The following ROBO1 variants were observed in gnomAD, a reference collection of about 807,000 sequenced individuals.
ROBO1 encodes roundabout guidance receptor 1, also known as roundabout homolog 1.
ROBO1 carries 149 observed loss-of-function variants against 195.9 expected under a neutral mutation model. That is an observed-to-expected ratio of 0.76 (90% CI 0.67 to 0.87). The LOEUF (loss-of-function observed/expected upper bound fraction) is 0.87, where lower values mean the gene tolerates loss of function less well. ROBO1 is among the 40% of genes least tolerant of loss of function. The pLI is 0.00. For missense variants in ROBO1, 1,933 were observed against 2,068.3 expected (o/e 0.93, Z 1.27); for synonymous variants, 816 against 733.2 (o/e 1.11, Z -1.82).
Position 78,636,245 on chromosome 3 carries a change from C to T in ROBO1, c.3038-137G>A, listed in dbSNP as rs573118292. 1.5e-3 allele frequency: 866 copies of T among 559,698 alleles called. 1 individual carries two copies. Among genetic ancestry groups the T allele is most frequent in the Non-Finnish European group, 2.4e-3 (782 of 324,716 alleles). The allele number at this position is 559,698 out of a possible 1,614,324, so 34.7% of individuals were successfully genotyped here. Reference sequence around the variant, plus strand: ...TGGGCTTAAATAAGATCAATAAAAACGGCCAAATATCCACATGTGCTTTCT... The same window carrying T: ...TGGGCTTAAATAAGATCAATAAAAATGGCCAAATATCCACATGTGCTTTCT... On this transcript the variant is annotated intron_variant, in intron 22 of 30. Transcript: ENST00000464233.
intron 4 of ROBO1, among the ~76,000 whole-genome samples, chr3:78,877,234 A>C (rs1479882242): frequency 1.3e-5 from 2 of 152,222 alleles, no homozygotes; most frequent in Non-Finnish European, 2.9e-5. Context: ...ATAAATGAAA[A>C]AGAACATAGA....
At chr3:78,891,134 T>A (rs2036864280) in intron 4 of ROBO1, among the ~76,000 whole-genome samples, 1 of 152,178 alleles carries the variant, frequency 6.6e-6, no homozygotes, top group Non-Finnish European at 1.5e-5. Context: ...GAGATGTGAT[T>A]ACATTACAGT....
At chr3:79,074,699 G>A (rs1365401758) in intron 3 of ROBO1, among the ~76,000 whole-genome samples, 2 of 151,606 alleles carry the variant, frequency 1.3e-5, no homozygotes, top group East Asian at 2.0e-4. Flanking sequence ...AAAACATTGG[G>A]ATTACAGGGA....
At chr3:79,217,751 G>A (rs888553472) in intron 2 of ROBO1, among the ~76,000 whole-genome samples, 7 of 151,786 alleles carry the variant, frequency 4.6e-5, no homozygotes, top group African/African-American at 1.5e-4. Context: ...TATTTCTTCT[G>A]AGAAATTTGG....
chr3:79,312,173 T>G (rs1021946264), intron 2 of ROBO1, among the ~76,000 whole-genome samples: 2 of 152,204 alleles, frequency 1.3e-5, no homozygotes, highest in African/African-American at 4.8e-5. Context: ...ATTGATACAA[T>G]GAAGGTTCAA....
chr3:79,668,374 T>C (rs1946532039), intron 1 of ROBO1, among the ~76,000 whole-genome samples: 1 of 151,062 alleles, frequency 6.6e-6, no homozygotes, highest in African/African-American at 2.4e-5. Context: ...AGTATTTTTA[T>C]AAATTAATAT....
At chr3:78,845,482 A>C (rs1015649898) in intron 4 of ROBO1, among the ~76,000 whole-genome samples, 2 of 152,124 alleles carry the variant, frequency 1.3e-5, no homozygotes, top group African/African-American at 2.4e-5. Flanking sequence ...ATATGTATAC[A>C]CTTTAGTGTG....
intron 1 of ROBO1, among the ~76,000 whole-genome samples, chr3:79,704,756 T>G (rs79353453): frequency 0.015 from 2,289 of 152,132 alleles, 30 homozygotes; most frequent in Non-Finnish European, 0.026. Context: ...TTGTAAGATA[T>G]CACCAAAATG....
At chr3:79,138,289 A>T (rs1016169037) in intron 2 of ROBO1, among the ~76,000 whole-genome samples, 2 of 152,014 alleles carry the variant, frequency 1.3e-5, no homozygotes, top group African/African-American at 2.4e-5. Context: ...GTACACAATC[A>T]ATACTTTTTT....
intron 3 of ROBO1, among the ~76,000 whole-genome samples, chr3:79,065,406 G>A (rs935469513): frequency 6.6e-6 from 1 of 151,836 alleles, no homozygotes; most frequent in African/African-American, 2.4e-5. Flanking sequence ...AAAAATGACC[G>A]ATCTGTGAGC....
chr3:78,867,904 A>T (rs558487594), intron 4 of ROBO1, among the ~76,000 whole-genome samples: 2 of 152,184 alleles, frequency 1.3e-5, no homozygotes, highest in Non-Finnish European at 2.9e-5. Flanking sequence ...CTATAGAAGA[A>T]TAACACAATT....
At chr3:79,403,197 C>A (rs920141503) in intron 2 of ROBO1, among the ~76,000 whole-genome samples, 5 of 151,860 alleles carry the variant, frequency 3.3e-5, no homozygotes, top group Non-Finnish European at 4.4e-5. Context: ...ATGCTAGTAA[C>A]TTTTTGGATT....
At chr3:79,343,902 T>C (rs1050681779) in intron 2 of ROBO1, among the ~76,000 whole-genome samples, 20 of 152,132 alleles carry the variant, frequency 1.3e-4, no homozygotes, top group African/African-American at 4.6e-4. Context: ...ACCTAGTTGT[T>C]TGTTTCCCAA....
chr3:79,547,992 T>A (rs1019842761), intron 2 of ROBO1, among the ~76,000 whole-genome samples: 1 of 152,188 alleles, frequency 6.6e-6, no homozygotes. Context: ...ATGGCAGTTT[T>A]ACTGATGTTG....
chr3:79,083,986 A>G (rs1347440150), intron 3 of ROBO1, among the ~76,000 whole-genome samples: 1 of 152,192 alleles, frequency 6.6e-6, no homozygotes, highest in Non-Finnish European at 1.5e-5. Flanking sequence ...TTCACCTTGA[A>G]AGCTTGAGAT....
intron 2 of ROBO1, among the ~76,000 whole-genome samples, chr3:79,142,777 G>A (rs1181125099): frequency 2.0e-5 from 3 of 152,044 alleles, no homozygotes; most frequent in African/African-American, 4.8e-5. Context: ...CCATTTTCCT[G>A]CAAAATGGGA....
At chr3:79,075,686 T>C (rs1383579771) in intron 3 of ROBO1, among the ~76,000 whole-genome samples, 1 of 151,878 alleles carries the variant, frequency 6.6e-6, no homozygotes, top group Admixed American at 6.6e-5. Context: ...GAACACAATT[T>C]CAGAGCCCAA....
chr3:79,598,330 A>G (rs866255359), intron 1 of ROBO1, among the ~76,000 whole-genome samples: 3 of 152,052 alleles, frequency 2.0e-5, no homozygotes, highest in South Asian at 4.1e-4. Context: ...TTAGAATCTT[A>G]TCCTTCAACC....
intron 2 of ROBO1, among the ~76,000 whole-genome samples, chr3:79,374,770 CA>C (rs2036325335): frequency 6.6e-6 from 1 of 151,798 alleles, no homozygotes; most frequent in Non-Finnish European, 1.5e-5. Context: ...TTTTGCCATT[CA>C]AAAAAATTCT....
Sources: allele counts gnomAD v4.1 joint callset (sites outside exome capture counted in the v4.1 genomes callset), GRCh38; gene constraint gnomAD v4.1.1; transcripts MANE v1.5; gene names NCBI Gene and HGNC (gene_info 2026-07-23, HGNC 2026-07-21).